Variants in MFAP3 observed in about 807,000 individuals in gnomAD.
MFAP3 encodes the protein microfibril associated protein 3.
MFAP3 carries 8 observed loss-of-function variants against 20.5 expected under a neutral mutation model. The ratio of observed to expected loss-of-function variants is 0.39; its 90% confidence interval spans 0.23 to 0.70. The LOEUF (loss-of-function observed/expected upper bound fraction) is 0.70, where lower values mean the gene tolerates loss of function less well. Among genes scored for constraint, MFAP3 ranks in the 30% least tolerant of loss-of-function variants. MFAP3 has a pLI of 0.44. For synonymous variants in MFAP3, 140 were observed against 154.0 expected (o/e 0.91, Z 0.67); for missense variants, 398 against 444.6 (o/e 0.90, Z 0.94).
chr5:154,041,084 A>T, intron 1 of MFAP3, among the ~76,000 whole-genome samples: 1 of 152,186 alleles, frequency 6.6e-6, no homozygotes, highest in East Asian at 1.9e-4. Context: ...AGGAAAACTG[A>T]TAAGTCTTAT....
intron 1 of MFAP3, among the ~76,000 whole-genome samples, chr5:154,046,732 C>G (rs555754111): frequency 1.1e-3 from 174 of 152,278 alleles, no homozygotes; most frequent in African/African-American, 4.0e-3. Context: ...GACAGCTGTT[C>G]ATTCTGCTGA....
chr5:154,055,575 A>T lies in MFAP3; in HGVS notation c.*1862A>T, dbSNP rs1162467888. 6.6e-6 allele frequency among the ~76,000 whole-genome samples: 1 copy of T among 152,180 alleles called. No homozygotes were observed. The highest frequency in any genetic ancestry group is 1.5e-5 in the Non-Finnish European group (1 of 68,040). On this transcript the variant is annotated 3_prime_UTR_variant, in exon 3 of 3. Coordinates refer to ENST00000522782, the MANE Select transcript of MFAP3 (RefSeq NM_005927.5). Reference sequence around the variant, plus strand: ...TGACTATAAGAGCAAAGGCTCTTGAACATATCCTAGATTATGGAACACTTT... The same window carrying T: ...TGACTATAAGAGCAAAGGCTCTTGATCATATCCTAGATTATGGAACACTTT...
chr5:154,040,929 C>T (rs1581858573), intron 1 of MFAP3, among the ~76,000 whole-genome samples: 1 of 152,200 alleles, frequency 6.6e-6, no homozygotes, highest in South Asian at 2.1e-4. Flanking sequence ...TAGCAGACAC[C>T]TTTCACACTA....
At chr5:154,039,701 C>G (rs527604458) in intron 1 of MFAP3, among the ~76,000 whole-genome samples, 1 of 152,192 alleles carries the variant, frequency 6.6e-6, no homozygotes, top group South Asian at 2.1e-4. Context: ...CTGTTGCCCT[C>G]GAGCAGTGAA....
In MFAP3 at chr5:154,054,732, A is replaced by G. The variant is rs1326496784; in HGVS notation, c.*1019A>G. On this transcript the variant is annotated 3_prime_UTR_variant, in exon 3 of 3. Coordinates refer to ENST00000522782, the MANE Select transcript of MFAP3 (RefSeq NM_005927.5). ...TGGATTCCTCTTAAGACCTCTGTCA[A>G]CCCTCCTGCCCTTTGTGGTCTTAGG... 1 of 166,876 alleles carries G rather than the reference A, an allele frequency of 6.0e-6. No homozygotes were observed. The highest frequency in any genetic ancestry group is 1.5e-5 in the Non-Finnish European group (1 of 68,066). 10.3% of individuals were successfully genotyped at this position (166,876 alleles called of 1,614,324 possible). A position where few individuals can be genotyped will look rare whatever the true frequency, so the allele number is the denominator to read the frequency against.
intron 1 of MFAP3, among the ~76,000 whole-genome samples, chr5:154,044,949 A>G (rs74747748): frequency 4.3e-5 from 6 of 139,618 alleles, no homozygotes; most frequent in Non-Finnish European, 6.2e-5. Context: ...AAAAAAAAAA[A>G]GGGTCACAGG....
In MFAP3 at chr5:154,055,171, A is replaced by G. The variant is rs1022049353; in HGVS notation, c.*1458A>G. The stretch of plus-strand genomic sequence containing the variant: ...TCCATTTGGGGCTTCACGTTTCTTC[A>G]TATGACTTCTGATTATTGAAGCATT... On this transcript the variant is annotated 3_prime_UTR_variant, in exon 3 of 3. Coordinates refer to ENST00000522782, the MANE Select transcript of MFAP3 (RefSeq NM_005927.5). 1 of 167,104 alleles carries G rather than the reference A, an allele frequency of 6.0e-6. No individual in the cohort carries two copies. Among genetic ancestry groups the G allele is most frequent in the Admixed American group, 6.5e-5 (1 of 15,284 alleles). The allele number at this position is 167,104 out of a possible 1,614,324, so 10.4% of individuals were successfully genotyped here.
rs1343845698 is a variant in MFAP3, at chr5:154,054,974, AG to A, written c.*1262del. Reference sequence around the variant, plus strand: ...ACAACTGATCTAGACATCAAGAGGAAGAAAAATGATGGATGATGCCACCTGC... The same window carrying A: ...ACAACTGATCTAGACATCAAGAGGAAAAAAATGATGGATGATGCCACCTGC... On this transcript the variant is annotated 3_prime_UTR_variant, in exon 3 of 3. Coordinates refer to ENST00000522782, the MANE Select transcript of MFAP3 (RefSeq NM_005927.5). 1.6e-4 allele frequency: 27 copies of A among 167,174 alleles called. No individual in the cohort carries two copies. The highest frequency in any genetic ancestry group is 6.0e-4 in the African/African-American group (25 of 41,578). The allele number at this position is 167,174 out of a possible 1,614,324, so 10.4% of individuals were successfully genotyped here. A position where few individuals can be genotyped will look rare whatever the true frequency, so the allele number is the denominator to read the frequency against.
Position 154,057,067 on chromosome 5 carries a change from T to C in MFAP3, c.*3354T>C, listed in dbSNP as rs1196730604. 1.3e-5 allele frequency among the ~76,000 whole-genome samples: 2 copies of C among 152,208 alleles called. No homozygotes were observed. The highest frequency in any genetic ancestry group is 4.8e-5 in the African/African-American group (2 of 41,444). ...GTAGCTTCACCCTAGATCAGACTTT[T>C]GTCTCTTGGGTCCCAGATGGCACAG... On this transcript the variant is annotated 3_prime_UTR_variant, in exon 3 of 3. Coordinates refer to ENST00000522782, the MANE Select transcript of MFAP3 (RefSeq NM_005927.5).
chr5:154,053,284 C>A lies in MFAP3; in HGVS notation c.660C>A (p.Val220=). ...CCAAAACTCTGGAGCTCGCCAAAGT[C>A]ACACAATTTAAGACCATGGAGTTTG... ...TSAKTLELAK[V]TQFKTMEFAR... is the part of the protein sequence containing the mutation. Residue 220 remains valine, a synonymous_variant, in exon 3 of 3, where the codon GTC becomes GTA. Coordinates refer to ENST00000522782, the MANE Select transcript of MFAP3 (RefSeq NM_005927.5). 6.2e-7 allele frequency: 1 copy of A among 1,614,056 alleles called. No homozygotes were observed. The highest frequency in any genetic ancestry group is 1.1e-5 in the South Asian group (1 of 91,070).
chr5:154,040,953 T>G, intron 1 of MFAP3, among the ~76,000 whole-genome samples: 1 of 152,124 alleles, frequency 6.6e-6, no homozygotes, highest in East Asian at 1.9e-4. Flanking sequence ...AGTCGATGAG[T>G]GTCTGAACTC....
At position 154,057,236 on chromosome 5, in the gene MFAP3, A is replaced by G. The variant is rs759009666; in HGVS notation, c.*3523A>G. ...AATGCATTCTTTTCTCATCTAGGCC[A>G]GGAATGTTGAAAATGCTCAGCCTTA... is the stretch of plus-strand genomic sequence containing the variant. On this transcript the variant is annotated 3_prime_UTR_variant, in exon 3 of 3. Coordinates refer to ENST00000522782, the MANE Select transcript of MFAP3 (RefSeq NM_005927.5). Among the ~76,000 whole-genome samples, 2 of 152,252 alleles carry G rather than the reference A, an allele frequency of 1.3e-5. No homozygotes were observed. Among genetic ancestry groups the G allele is most frequent in the African/African-American group, 4.8e-5 (2 of 41,470 alleles).
At chr5:154,049,469 A>G (rs1329399553) in intron 1 of MFAP3, 88 bp from the exon 2 acceptor site, 1 of 421,072 alleles carries the variant, frequency 2.4e-6, no homozygotes, top group Non-Finnish European at 4.3e-6. Flanking sequence ...CAATTATTCT[A>G]ATTAACATCT....
intron 1 of MFAP3, among the ~76,000 whole-genome samples, chr5:154,047,462 G>A (rs1158958108): frequency 6.6e-6 from 1 of 152,162 alleles, no homozygotes; most frequent in Non-Finnish European, 1.5e-5. Flanking sequence ...GAGATGGCAG[G>A]TTAAGAAATG....
In MFAP3 at chr5:154,053,504, A is replaced by G; in HGVS notation, c.880A>G (p.Asn294Asp). The change falls in exon 3 of 3, where the codon AAT (asparagine) becomes GAT (aspartate). Residue 294 changes from asparagine (N) to aspartate (D), a missense_variant. Transcript: ENST00000522782. ...YVINPEMGRS[N>D]SPGGDSDDGS... ...CATTAACCCAGAGATGGGACGGAGT[A>G]ATTCACCAGGAGGAGATTCAGATGA... 1 of 1,613,852 alleles carries G rather than the reference A, an allele frequency of 6.2e-7. No individual in the cohort carries two copies. The highest frequency in any genetic ancestry group is 8.5e-7 in the Non-Finnish European group (1 of 1,179,960).
chr5:154,051,173 T>G (rs896465649), intron 2 of MFAP3, among the ~76,000 whole-genome samples: 4 of 152,198 alleles, frequency 2.6e-5, no homozygotes, highest in African/African-American at 9.7e-5. Context: ...GAATGTGTAC[T>G]TTGAACATGA....
rs115835292 is a variant in MFAP3, at chr5:154,041,899, A to C, written c.-167+2888A>C. Among the ~76,000 whole-genome samples, 392 of 152,360 alleles carry C rather than the reference A, an allele frequency of 2.6e-3. 2 individuals carry two copies. The highest frequency in any genetic ancestry group is 9.2e-3 in the African/African-American group (384 of 41,578). On this transcript the variant is annotated intron_variant, in intron 1 of 2. Transcript: ENST00000522782. ...CATATATTTATAATTTACCCACATTAGTTCATCTTATCCTCAAAACTACCC... is the reference window on the plus strand; with the variant it reads ...CATATATTTATAATTTACCCACATTCGTTCATCTTATCCTCAAAACTACCC...
chr5:154,049,564 A>G lies in MFAP3; in HGVS notation c.-159A>G. 1 of 700,772 alleles carries G rather than the reference A, an allele frequency of 1.4e-6. No homozygotes were observed. Among genetic ancestry groups the G allele is most frequent in the Non-Finnish European group, 2.3e-6 (1 of 430,976 alleles). The allele number at this position is 700,772 out of a possible 1,614,324, so 43.4% of individuals were successfully genotyped here. A position where few individuals can be genotyped will look rare whatever the true frequency, so the allele number is the denominator to read the frequency against. Reference sequence around the variant, plus strand: ...TATCTGGCTTTCTTTTAGGTTCTCTACTCACATCTTTTAATCTTGAAGACT... The same window carrying G: ...TATCTGGCTTTCTTTTAGGTTCTCTGCTCACATCTTTTAATCTTGAAGACT... On this transcript the variant is annotated 5_prime_UTR_variant, in exon 2 of 3. Coordinates refer to ENST00000522782, the MANE Select transcript of MFAP3 (RefSeq NM_005927.5).
At chr5:154,049,391 C>CT (rs1174031684) in intron 1 of MFAP3, among the ~76,000 whole-genome samples, 166 bp from the exon 2 acceptor site, 1 of 152,152 alleles carries the variant, frequency 6.6e-6, no homozygotes, top group Admixed American at 6.5e-5. Context: ...CAATTCATTG[C>CT]TTTTTCTGCT....
Sources: gnomAD v4.1 joint callset for allele counts (sites outside exome capture counted in the v4.1 genomes callset) on GRCh38, gnomAD v4.1.1 for gene constraint, MANE v1.5 for transcripts, NCBI Gene and HGNC (gene_info 2026-07-23, HGNC 2026-07-21) for gene names.